The following ADAMTS16 variants were observed in gnomAD, a reference collection of about 807,000 sequenced individuals.
ADAMTS16 encodes the protein ADAM metallopeptidase with thrombospondin type 1 motif 16.
A neutral mutation model predicts 145.8 loss-of-function variants in ADAMTS16; 94 were observed. That is an observed-to-expected ratio of 0.64 (90% CI 0.55 to 0.77). The LOEUF is 0.77. Ranked by LOEUF, ADAMTS16 falls within the 30% of genes least tolerant of loss-of-function variation. ADAMTS16 has a pLI of 0.00. For missense variants in ADAMTS16, 1,585 were observed against 1,591.5 expected, an observed-to-expected ratio of 1.00 and a Z score of 0.07; for synonymous variants, 659 against 604.3, an observed-to-expected ratio of 1.09 and a Z score of -1.33.
chr5:5,307,769 G>A (rs1561002766), intron 21 of ADAMTS16, among the ~76,000 whole-genome samples: 1 of 152,136 alleles, frequency 6.6e-6, no homozygotes, highest in African/African-American at 2.4e-5. Context: ...CTCCCACAGC[G>A]CTAGTGAGAG....
intron 3 of ADAMTS16, among the ~76,000 whole-genome samples, chr5:5,146,656 C>A (rs1694987433): frequency 1.3e-5 from 2 of 152,218 alleles, no homozygotes; most frequent in Non-Finnish European, 2.9e-5. Flanking sequence ...AGTGTGCACA[C>A]CCACCCTGCT....
At chr5:5,293,946 G>A (rs1204714208) in intron 18 of ADAMTS16, among the ~76,000 whole-genome samples, 1 of 152,194 alleles carries the variant, frequency 6.6e-6, no homozygotes, top group Non-Finnish European at 1.5e-5. Flanking sequence ...TGGCACACTG[G>A]GGCTTGTGGA....
At chr5:5,152,011 G>A (rs1734477627) in intron 3 of ADAMTS16, among the ~76,000 whole-genome samples, 1 of 152,118 alleles carries the variant, frequency 6.6e-6, no homozygotes, top group African/African-American at 2.4e-5. Context: ...TTGTCTTTCT[G>A]TGTCTGGCTT....
chr5:5,305,222 AC>A (rs1740044137), intron 20 of ADAMTS16, among the ~76,000 whole-genome samples: 1 of 99,088 alleles, frequency 1.0e-5, no homozygotes, highest in Non-Finnish European at 2.0e-5. Context: ...CCACACACAC[AC>A]ATCCCACACC....
Position 5,262,801 on chromosome 5 carries a change from C to A in ADAMTS16, c.2789+18C>A. ...CCTCCCAGGTAAGAAGCATCGCGTT[C>A]ATCAAAGCAGGTTTCCCAGTTTGCA... On this transcript the variant is annotated intron_variant, in intron 18 of 22. Transcript: ENST00000274181. 2 of 1,611,724 alleles carry A rather than the reference C, an allele frequency of 1.2e-6. No homozygotes were observed. The highest frequency in any genetic ancestry group is 1.7e-4 in the Middle Eastern group (1 of 6,052).
At chr5:5,174,291 G>A (rs761752272) in intron 3 of ADAMTS16, among the ~76,000 whole-genome samples, 8 of 152,020 alleles carry the variant, frequency 5.3e-5, no homozygotes, top group Non-Finnish European at 7.4e-5. Flanking sequence ...TGGCCTGTAT[G>A]GTTTCCACTG....
intron 10 of ADAMTS16, among the ~76,000 whole-genome samples, chr5:5,222,546 T>C (rs574569613): frequency 1.2e-4 from 19 of 152,246 alleles, no homozygotes; most frequent in Non-Finnish European, 2.6e-4. Context: ...AAAATATAAT[T>C]TTGTTAAAAA....
rs766955434 is a variant in ADAMTS16 at position 5,186,072 on chromosome 5, G to A, written c.784G>A (p.Glu262Lys). 7.4e-6 allele frequency: 12 copies of A among 1,613,486 alleles called. No individual in the cohort carries two copies. The highest frequency in any genetic ancestry group is 1.7e-5 in the Admixed American group (1 of 59,982). ...RKKYMPQPPK[E>K]DLFILPDEYK... is the part of the protein sequence containing the mutation. ...CATAGACATGCCCCAGCCTCCCAAG[G>A]AAGACCTCTTCATCTTGCCAGATGA... The change falls in exon 5 of 23, where the codon GAA (glutamate) becomes AAA (lysine). Residue 262 changes from glutamate to lysine, a missense_variant. Glu to Lys is a moderately conservative substitution (Grantham distance 56). Around this residue, in one of 3 missense-constraint regions of ADAMTS16, gnomAD observed 453 missense variants for 412.1 expected, o/e 1.10. Transcript: ENST00000274181.
At chr5:5,279,436 T>C (rs1310163646) in intron 18 of ADAMTS16, among the ~76,000 whole-genome samples, 1 of 152,190 alleles carries the variant, frequency 6.6e-6, no homozygotes. Context: ...TCCTCTCCCC[T>C]TTCTGGAAGC....
intron 21 of ADAMTS16, among the ~76,000 whole-genome samples, chr5:5,307,509 G>A (rs1400533418): frequency 1.3e-5 from 2 of 152,166 alleles, no homozygotes; most frequent in East Asian, 3.9e-4. Context: ...AAGGGAATAG[G>A]AGTGACTGCG....
chr5:5,181,492 T>G (rs909165475), intron 3 of ADAMTS16, among the ~76,000 whole-genome samples: 3 of 152,214 alleles, frequency 2.0e-5, no homozygotes, highest in African/African-American at 4.8e-5. Context: ...AATATCTTGC[T>G]TAGAGAAACC....
At chr5:5,201,996 A>G (rs1735971942) in intron 9 of ADAMTS16, among the ~76,000 whole-genome samples, 1 of 151,480 alleles carries the variant, frequency 6.6e-6, no homozygotes, top group Non-Finnish European at 1.5e-5. Context: ...AAGTCTTCTT[A>G]TTTCTAAGAC....
chr5:5,202,376 A>T (rs11748660), intron 9 of ADAMTS16, among the ~76,000 whole-genome samples: 24,303 of 151,992 alleles, frequency 0.16, 2,158 homozygotes, highest in African/African-American at 0.23. Flanking sequence ...ATCATTTTTT[A>T]AAAAAAAATT....
rs575331794 is a variant in ADAMTS16, at chr5:5,231,011, G to A, written c.1702-1357G>A. 8.1e-3 allele frequency among the ~76,000 whole-genome samples: 1,232 copies of A among 152,254 alleles called. 16 individuals are homozygous for A. The highest frequency in any genetic ancestry group is 0.028 in the African/African-American group (1,170 of 41,536). On this transcript the variant is annotated intron_variant, in intron 11 of 22. Transcript: ENST00000274181. The stretch of plus-strand genomic sequence containing the variant: ...ATGACCAGATGGTTTTTAAAAAGGG[G>A]GGAAAAGAAAACGACAACAACTAGC...
intron 13 of ADAMTS16, among the ~76,000 whole-genome samples, chr5:5,236,620 T>G (rs1030882040): frequency 4.6e-5 from 7 of 152,226 alleles, no homozygotes; most frequent in Non-Finnish European, 7.3e-5. Context: ...GGCAGTTTTT[T>G]TTTTTGGATT....
intron 22 of ADAMTS16, 62 bp downstream of exon 22, chr5:5,318,343 G>C: frequency 7.4e-7 from 1 of 1,346,932 alleles, no homozygotes; most frequent in Non-Finnish European, 9.6e-7. Flanking sequence ...GGTTTCTGGA[G>C]CAGTTCCTTG....
intron 17 of ADAMTS16, among the ~76,000 whole-genome samples, chr5:5,247,069 A>G (rs1737468780): frequency 6.6e-6 from 1 of 152,112 alleles, no homozygotes; most frequent in African/African-American, 2.4e-5. Context: ...TTTGGTTCCT[A>G]CTGCTCATCT....
chr5:5,245,358 T>A (rs937246246), intron 17 of ADAMTS16, among the ~76,000 whole-genome samples: 4 of 152,176 alleles, frequency 2.6e-5, no homozygotes, highest in Non-Finnish European at 5.9e-5. Flanking sequence ...AGATAATAAT[T>A]AACTTTGCCA....
intron 21 of ADAMTS16, among the ~76,000 whole-genome samples, chr5:5,311,089 G>A (rs1740408225): frequency 6.6e-6 from 1 of 151,944 alleles, no homozygotes; most frequent in African/African-American, 2.4e-5. Flanking sequence ...GTGCCTCGCA[G>A]CCCCTGTGGC....
Sources: gnomAD v4.1 joint callset for allele counts (sites outside exome capture counted in the v4.1 genomes callset) on GRCh38, gnomAD v4.1.1 for gene constraint, gnomAD v4.1.1 regional missense constraint, MANE v1.5 for transcripts, NCBI Gene and HGNC (gene_info 2026-07-23, HGNC 2026-07-21) for gene names.